Variants in SBNO1 observed in about 807,000 individuals in gnomAD.
The protein encoded by SBNO1 is strawberry notch homolog 1, also known as protein strawberry notch homolog 1.
SBNO1 carries 23 observed loss-of-function variants against 173.6 expected under a neutral mutation model. The ratio of observed to expected loss-of-function variants is 0.13; its 90% CI spans 0.10 to 0.19. The LOEUF (loss-of-function observed/expected upper bound fraction) is 0.19. Among genes scored for constraint, SBNO1 ranks in the 10% least tolerant of loss-of-function variants. SBNO1 has a pLI of 1.00. For missense variants in SBNO1, 1,238 were observed against 1,671.2 expected (o/e 0.74, Z 4.52); for synonymous variants, 632 against 571.5 (o/e 1.11, Z -1.51).
chr12:123,297,211 A>C (rs1344778013), intron 31 of SBNO1, among the ~76,000 whole-genome samples: 2 of 149,906 alleles, frequency 1.3e-5, no homozygotes, highest in Admixed American at 1.3e-4. Flanking sequence ...AAAATATAAA[A>C]ATTAGCCAGG....
chr12:123,358,668 A>G (rs918951837), intron 1 of SBNO1, among the ~76,000 whole-genome samples: 4 of 145,146 alleles, frequency 2.8e-5, no homozygotes, highest in African/African-American at 1.0e-4. Flanking sequence ...GCGTGAACCC[A>G]GGAGGCAGAG....
At chr12:123,311,259 T>G in intron 24 of SBNO1, 130 bp from the exon 25 acceptor site, 1 of 663,458 alleles carries the variant, frequency 1.5e-6, no homozygotes, top group Non-Finnish European at 2.6e-6. Flanking sequence ...TATATAAACA[T>G]GGAGAAAATG....
At chr12:123,311,720 C>CTATCTATATATA (rs1224940028) in intron 24 of SBNO1, among the ~76,000 whole-genome samples, 37 of 127,440 alleles carry the variant, frequency 2.9e-4, no homozygotes, top group African/African-American at 8.9e-4. Flanking sequence ...ATCTATCTAT[C>CTATCTATATATA]TATATATATA....
intron 1 of SBNO1, among the ~76,000 whole-genome samples, chr12:123,354,685 G>C (rs951304487): frequency 1.3e-5 from 2 of 152,116 alleles, no homozygotes; most frequent in African/African-American, 4.8e-5. Context: ...CTGTTCATAG[G>C]AGGAAAAACA....
intron 5 of SBNO1, among the ~76,000 whole-genome samples, chr12:123,340,372 G>C (rs1480802489): frequency 6.6e-6 from 1 of 152,006 alleles, no homozygotes; most frequent in East Asian, 1.9e-4. Flanking sequence ...CCTGAGGTCA[G>C]GAGTTCGAGA....
chr12:123,359,569 G>T (rs144532961), intron 1 of SBNO1, among the ~76,000 whole-genome samples: 31 of 128,370 alleles, frequency 2.4e-4, no homozygotes, highest in African/African-American at 8.7e-4. Flanking sequence ...AAAAAAAAAA[G>T]ATATATATAT....
intron 29 of SBNO1, 164 bp downstream of exon 29, chr12:123,304,418 T>C (rs2048865199): frequency 3.8e-6 from 2 of 524,822 alleles, no homozygotes; most frequent in Admixed American, 3.4e-5. Flanking sequence ...GCATTTTTAG[T>C]AGAGACGGGG....
At position 123,364,745 on chromosome 12, in the gene SBNO1, G is replaced by C. The variant is rs929811843; in HGVS notation, c.-45C>G. 1 of 987,896 alleles carries C rather than the reference G, an allele frequency of 1.0e-6. No individual in the cohort carries two copies. Among genetic ancestry groups the C allele is most frequent in the African/African-American group, 1.7e-5 (1 of 57,360 alleles). The allele number at this position is 987,896 out of a possible 1,614,324, so 61.2% of individuals were successfully genotyped here. A position where few individuals can be genotyped will look rare whatever the true frequency, so the allele number is the denominator to read the frequency against. ...GCCAGCACAGCTCCTCCCGGGAGGT[G>C]TGAGTTTGAAGGACCAGAGGCGACT... is the stretch of plus-strand genomic sequence containing the variant. On this transcript the variant is annotated 5_prime_UTR_variant, in exon 1 of 32. Transcript: ENST00000602398.
At chr12:123,362,926 A>T (rs973548003) in intron 1 of SBNO1, among the ~76,000 whole-genome samples, 58 of 125,446 alleles carry the variant, frequency 4.6e-4, no homozygotes, top group Middle Eastern at 8.6e-3. Flanking sequence ...CAAAAAAATT[A>T]AAAAAAAAAA....
intron 24 of SBNO1, among the ~76,000 whole-genome samples, chr12:123,311,884 C>T (rs1239748025): frequency 6.6e-6 from 1 of 150,938 alleles, no homozygotes; most frequent in East Asian, 2.0e-4. Context: ...TACAGGCGTG[C>T]ACCACCGTGC....
chr12:123,330,343 CAT>C, intron 9 of SBNO1, 74 bp downstream of exon 9: 1 of 883,254 alleles, frequency 1.1e-6, no homozygotes, highest in South Asian at 1.4e-5. Context: ...CCCTTATATA[CAT>C]AGCTATTATT....
intron 30 of SBNO1, among the ~76,000 whole-genome samples, chr12:123,298,890 G>C (rs1477990118): frequency 6.6e-6 from 1 of 152,112 alleles, no homozygotes; most frequent in African/African-American, 2.4e-5. Flanking sequence ...AGGAGTTTGA[G>C]ACCAGCCTGT....
At position 123,350,464 on chromosome 12, in the gene SBNO1, T is replaced by C. The variant is rs556955784; in HGVS notation, c.1-23A>G. 6.2e-5 allele frequency: 99 copies of C among 1,601,660 alleles called. 2 individuals are homozygous for C. The South Asian group carries it at 1.0e-3, about 17-fold the overall frequency. On this transcript the variant is annotated intron_variant, in intron 1 of 31. Coordinates refer to ENST00000602398, the MANE Select transcript of SBNO1 (RefSeq NM_001167856.3). ...CATCTTTAAAGGGAAATATTAAATA[T>C]TAACATAAAAAACAAAAAGTGACAA...
chr12:123,329,051 G>A (rs1870891359), intron 9 of SBNO1, among the ~76,000 whole-genome samples, 156 bp from the exon 10 acceptor site: 1 of 152,166 alleles, frequency 6.6e-6, no homozygotes, highest in South Asian at 2.1e-4. Context: ...TTGTATAAAT[G>A]TACACAACAC....
intron 15 of SBNO1, among the ~76,000 whole-genome samples, chr12:123,325,288 A>C (rs2138983835): frequency 6.6e-6 from 1 of 152,340 alleles, no homozygotes; most frequent in East Asian, 1.9e-4. Context: ...TCTGTGTAAT[A>C]TTAGCAAAAT....
intron 6 of SBNO1, among the ~76,000 whole-genome samples, chr12:123,334,790 T>A (rs1039324887): frequency 1.3e-5 from 2 of 151,968 alleles, no homozygotes; most frequent in Non-Finnish European, 2.9e-5. Context: ...AAAACACCAC[T>A]TGGTTCATAA....
At chr12:123,321,505 T>C in intron 17 of SBNO1, 30 bp downstream of exon 17, 2 of 1,445,408 alleles carry the variant, frequency 1.4e-6, no homozygotes, top group Non-Finnish European at 1.9e-6. Flanking sequence ...TATTATATGC[T>C]TTCGTGTATA....
chr12:123,354,649 TCTC>T (rs1344816078), intron 1 of SBNO1, among the ~76,000 whole-genome samples: 4 of 152,152 alleles, frequency 2.6e-5, no homozygotes, highest in Non-Finnish European at 5.9e-5. Context: ...TATTAGCCAA[TCTC>T]CTCCTCATTT....
intron 2 of SBNO1, among the ~76,000 whole-genome samples, chr12:123,348,340 T>C (rs1452792771): frequency 6.6e-6 from 1 of 152,238 alleles, no homozygotes; most frequent in Non-Finnish European, 1.5e-5. Context: ...AACATTTTTG[T>C]AGGCCGGGAG....
Sources: gnomAD v4.1 joint callset for allele counts (sites outside exome capture counted in the v4.1 genomes callset) on GRCh38, gnomAD v4.1.1 for gene constraint, MANE v1.5 for transcripts, NCBI Gene and HGNC (gene_info 2026-07-23, HGNC 2026-07-21) for gene names.